The following ASPH variants were observed in gnomAD, a reference collection of about 807,000 sequenced individuals.
The protein encoded by ASPH is aspartyl/asparaginyl beta-hydroxylase.
ASPH carries 100 observed loss-of-function variants against 118.4 expected under a neutral mutation model. The ratio of observed to expected loss-of-function variants is 0.84; its 90% CI spans 0.72 to 1.00. The LOEUF is 1.00. ASPH is among the 50% of genes least tolerant of loss of function. The pLI is 0.00. For synonymous variants in ASPH, 315 were observed against 325.6 expected (o/e 0.97, Z 0.35); for missense variants, 920 against 919.5 (o/e 1.00, Z -0.01).
At chr8:61,543,795 T>C (rs1324882167) in intron 21 of ASPH, among the ~76,000 whole-genome samples, 1 of 152,244 alleles carries the variant, frequency 6.6e-6, no homozygotes, top group African/African-American at 2.4e-5. Context: ...TCATTTTTGT[T>C]ATCGTTGTCA....
chr8:61,685,705 G>C (rs1830208991), intron 1 of ASPH, among the ~76,000 whole-genome samples: 1 of 151,664 alleles, frequency 6.6e-6, no homozygotes, highest in Admixed American at 6.6e-5. Flanking sequence ...TTTTCAAAAG[G>C]GGCCATAAAA....
At chr8:61,620,961 G>T (rs1326111084) in intron 13 of ASPH, among the ~76,000 whole-genome samples, 1 of 152,238 alleles carries the variant, frequency 6.6e-6, no homozygotes, top group Non-Finnish European at 1.5e-5. Context: ...GGAAGGTGCT[G>T]ATCCCGATGT....
rs1815204953 is a variant in ASPH at position 61,526,062 on chromosome 8, C to CATCA, written c.1811_1814dup (p.Met605IlefsTer4). 1 of 1,613,908 alleles carries CATCA rather than the reference C, an allele frequency of 6.2e-7. No homozygotes were observed. The highest frequency in any genetic ancestry group is 1.3e-5 in the African/African-American group (1 of 74,912). On this transcript the variant is annotated frameshift_variant, in exon 22 of 25. Coordinates refer to ENST00000379454, the MANE Select transcript of ASPH (RefSeq NM_004318.4). LOFTEE classifies it high-confidence loss of function. Reference sequence around the variant, plus strand: ...GCAGGAAGAGACCTTTGGCTTTATCCATCACTGCAAGGCCTTCATCTCGGA... The same window carrying CATCA: ...GCAGGAAGAGACCTTTGGCTTTATCCATCAATCACTGCAAGGCCTTCATCTCGGA...
chr8:61,638,377 A>AAC lies in ASPH; in HGVS notation c.791-16_791-15dup, dbSNP rs1554706828. On this transcript the variant is annotated splice_polypyrimidine_tract_variant and intron_variant, in intron 10 of 24. Coordinates refer to ENST00000379454, the MANE Select transcript of ASPH (RefSeq NM_004318.4). ...GTTCATATACTGCTAAAAAAAAAAA[A>AAC]ACAGAAACAAAATCCCGTAACTTTC... 21 of 1,556,920 alleles carry AAC rather than the reference A, an allele frequency of 1.3e-5. No individual in the cohort carries two copies. The highest frequency in any genetic ancestry group is 5.8e-5 in the Admixed American group (3 of 51,732).
chr8:61,697,942 C>T (rs910844539), intron 1 of ASPH, among the ~76,000 whole-genome samples: 48 of 152,014 alleles, frequency 3.2e-4, no homozygotes, highest in Admixed American at 1.3e-4. Flanking sequence ...AGGCATGCAC[C>T]GCCATATGCA....
intron 3 of ASPH, chr8:61,661,585 G>C (rs1243495815): frequency 5.4e-6 from 1 of 186,052 alleles, no homozygotes; most frequent in Non-Finnish European, 1.1e-5. Context: ...TCAGGAGATA[G>C]AGCCTAAGTC....
chr8:61,683,999 A>T, intron 2 of ASPH, 40 bp downstream of exon 2: 1 of 1,591,508 alleles, frequency 6.3e-7, no homozygotes, highest in South Asian at 1.1e-5. Flanking sequence ...GATGTCACTT[A>T]CTCTCTTACA....
At chr8:61,567,395 T>C in intron 16 of ASPH, 77 bp from the exon 17 acceptor site, 1 of 1,440,570 alleles carries the variant, frequency 6.9e-7, no homozygotes, top group Non-Finnish European at 9.3e-7. Context: ...TCATAAAAAG[T>C]TAACTTTTGG....
chr8:61,681,700 C>T (rs1430164412), intron 2 of ASPH, among the ~76,000 whole-genome samples: 1 of 151,678 alleles, frequency 6.6e-6, no homozygotes, highest in East Asian at 1.9e-4. Flanking sequence ...TCAGCACAGG[C>T]AATCTATACT....
At chr8:61,556,787 C>G (rs753452013) in intron 18 of ASPH, among the ~76,000 whole-genome samples, 1 of 152,188 alleles carries the variant, frequency 6.6e-6, no homozygotes, top group Non-Finnish European at 1.5e-5. Context: ...AGGTTTGAGT[C>G]GGTGCATGTG....
chr8:61,664,428 G>C (rs1818458295), intron 3 of ASPH: 3 of 981,122 alleles, frequency 3.1e-6, no homozygotes, highest in Non-Finnish European at 3.6e-6. Flanking sequence ...AAATAAAAGT[G>C]TTCTGAAACT....
intron 20 of ASPH, among the ~76,000 whole-genome samples, chr8:61,549,349 C>T (rs1825050505): frequency 6.6e-6 from 1 of 152,100 alleles, no homozygotes. Context: ...CAAATATCTC[C>T]ATTTTACAAA....
At chr8:61,522,937 C>G (rs2129621597) in intron 22 of ASPH, among the ~76,000 whole-genome samples, 1 of 152,252 alleles carries the variant, frequency 6.6e-6, no homozygotes, top group South Asian at 2.1e-4. Flanking sequence ...TACAGTCACA[C>G]TGGGGGTTAG....
intron 23 of ASPH, 33 bp downstream of exon 23, chr8:61,517,999 A>G: frequency 6.4e-7 from 1 of 1,574,342 alleles, no homozygotes; most frequent in Admixed American, 1.7e-5. Context: ...CTAACAATTA[A>G]TTGTATTCTC....
At chr8:61,621,153 C>A (rs1850764584) in intron 13 of ASPH, among the ~76,000 whole-genome samples, 1 of 152,146 alleles carries the variant, frequency 6.6e-6, no homozygotes, top group African/African-American at 2.4e-5. Flanking sequence ...TCATTCCAGG[C>A]CCCAGGCCAA....
At chr8:61,651,222 A>G (rs1810814319) in intron 4 of ASPH, 98 bp from the exon 5 acceptor site, 15 of 992,672 alleles carry the variant, frequency 1.5e-5, no homozygotes, top group Non-Finnish European at 2.3e-5. Flanking sequence ...CATTAAAATG[A>G]ATATATTTGA....
At chr8:61,688,052 G>C (rs1831234509) in intron 1 of ASPH, among the ~76,000 whole-genome samples, 1 of 152,148 alleles carries the variant, frequency 6.6e-6, no homozygotes, top group African/African-American at 2.4e-5. Context: ...CCAAAGGGCA[G>C]ATCAGTTTCT....
intron 14 of ASPH, among the ~76,000 whole-genome samples, chr8:61,590,747 T>C (rs1386526331): frequency 2.0e-5 from 3 of 152,192 alleles, no homozygotes; most frequent in Non-Finnish European, 4.4e-5. Flanking sequence ...TTCCTTTATA[T>C]AGACTCTCGA....
intron 13 of ASPH, among the ~76,000 whole-genome samples, chr8:61,628,064 A>G (rs1853738927): frequency 6.6e-6 from 1 of 151,654 alleles, no homozygotes; most frequent in Non-Finnish European, 1.5e-5. Context: ...ACTAGTCTCT[A>G]CCTCCTTGCT....
Sources: gnomAD v4.1 joint callset for allele counts (sites outside exome capture counted in the v4.1 genomes callset) on GRCh38, gnomAD v4.1.1 for gene constraint, MANE v1.5 for transcripts, NCBI Gene and HGNC (gene_info 2026-07-23, HGNC 2026-07-21) for gene names.